Variants in ADORA2B observed in about 807,000 individuals in gnomAD.
ADORA2B encodes adenosine receptor A2b.
ADORA2B carries 18 observed loss-of-function variants against 20.8 expected under a neutral mutation model. The ratio of observed to expected loss-of-function variants is 0.87; its 90% CI spans 0.60 to 1.29. The LOEUF is 1.29. Ranked by LOEUF, ADORA2B falls within the 50% of genes most tolerant of loss-of-function variation. The probability of loss-of-function intolerance (pLI) is 0.00; values close to 1 mark genes in which losing one functional copy is unlikely to be tolerated. For synonymous variants in ADORA2B, 179 were observed against 178.3 expected (o/e 1.00, Z -0.03); for missense variants, 441 against 422.7 (o/e 1.04, Z -0.38).
the ADORA2B span, among the ~76,000 whole-genome samples, chr17:15,881,168 C>T: frequency 2.6e-4 from 40 of 152,298 alleles, no homozygotes; most frequent in Middle Eastern, 3.4e-3. Flanking sequence ...GTGGCACAAT[C>T]TTGGCTCACT....
chr17:15,886,948 AG>A, the ADORA2B span, among the ~76,000 whole-genome samples: 3 of 130,864 alleles, frequency 2.3e-5, 1 homozygote, highest in Admixed American at 1.5e-4. Flanking sequence ...GGACCCAGCC[AG>A]GGGGCAGGAG....
chr17:15,960,705 A>G (rs1009464646), intron 1 of ADORA2B, among the ~76,000 whole-genome samples: 10 of 151,542 alleles, frequency 6.6e-5, no homozygotes, highest in South Asian at 4.1e-4. Context: ...CCCCGTCTCT[A>G]CTAAAAACAC....
intron 1 of ADORA2B, among the ~76,000 whole-genome samples, chr17:15,964,809 C>G (rs571475206): frequency 6.6e-6 from 1 of 151,456 alleles, no homozygotes; most frequent in Non-Finnish European, 1.5e-5. Flanking sequence ...CGCCTGTAAC[C>G]CCAGCACTTT....
the ADORA2B span, among the ~76,000 whole-genome samples, chr17:15,871,561 G>A: frequency 1.3e-5 from 2 of 152,182 alleles, no homozygotes; most frequent in African/African-American, 4.8e-5. Flanking sequence ...AGGGGCTCAC[G>A]GTTCTGAAAC....
the ADORA2B span, among the ~76,000 whole-genome samples, chr17:15,935,193 T>C: frequency 6.6e-6 from 1 of 152,232 alleles, no homozygotes; most frequent in African/African-American, 2.4e-5. Context: ...TATTGAGTTA[T>C]TGTCTAGTGT....
chr17:15,907,906 G>T, the ADORA2B span, among the ~76,000 whole-genome samples: 1 of 152,212 alleles, frequency 6.6e-6, no homozygotes, highest in Admixed American at 6.5e-5. Flanking sequence ...CCTGGTCAGT[G>T]CACATCCACT....
At chr17:15,924,986 T>C in the ADORA2B span, among the ~76,000 whole-genome samples, 5 of 152,014 alleles carry the variant, frequency 3.3e-5, no homozygotes, top group African/African-American at 1.2e-4. Flanking sequence ...GCAATCCTCC[T>C]GCCTCAGCCT....
At chr17:15,883,081 C>A in the ADORA2B span, among the ~76,000 whole-genome samples, 1 of 152,186 alleles carries the variant, frequency 6.6e-6, no homozygotes. Context: ...GAAGTAATTT[C>A]ACCACAAGAC....
chr17:15,919,363 A>G, the ADORA2B span, among the ~76,000 whole-genome samples: 1 of 152,030 alleles, frequency 6.6e-6, no homozygotes, highest in South Asian at 2.1e-4. Flanking sequence ...GCCAGCTTCT[A>G]CTCACCTTTC....
Position 15,949,852 on chromosome 17 carries a change from C to CA in ADORA2B, c.335+4277dup, listed in dbSNP as rs1392561169. ...GGGTGACAATAGCGAAACTCTGTCT[C>CA]AAAAAAAATAAAAAATAAAAAAGCT... On this transcript the variant is annotated intron_variant, in intron 1 of 1. Coordinates refer to ENST00000304222, the MANE Select transcript of ADORA2B (RefSeq NM_000676.4). Among the ~76,000 whole-genome samples the CA allele has an allele frequency of 4.6e-5, 7 of 151,468 alleles. No individual in the cohort carries two copies. The East Asian group carries it at 7.8e-4, about 17-fold the overall frequency.
At chr17:15,910,551 G>A in the ADORA2B span, among the ~76,000 whole-genome samples, 1 of 152,104 alleles carries the variant, frequency 6.6e-6, no homozygotes, top group African/African-American at 2.4e-5. Context: ...CACCCGCCTC[G>A]GCCTCCCAAA....
the ADORA2B span, among the ~76,000 whole-genome samples, chr17:15,906,952 C>T: frequency 6.6e-6 from 1 of 152,132 alleles, no homozygotes; most frequent in Admixed American, 6.5e-5. Flanking sequence ...ACTTCTGAGT[C>T]CTCTCTGAGT....
chr17:15,884,217 G>A, the ADORA2B span, among the ~76,000 whole-genome samples: 1 of 152,150 alleles, frequency 6.6e-6, no homozygotes, highest in East Asian at 1.9e-4. Flanking sequence ...GCATAAAAGA[G>A]GGGAACTATG....
chr17:15,969,971 A>G lies in ADORA2B; in HGVS notation c.336-4708A>G, dbSNP rs561333064. On this transcript the variant is annotated intron_variant, in intron 1 of 1. Coordinates refer to ENST00000304222, the MANE Select transcript of ADORA2B (RefSeq NM_000676.4). ...GCACATGTTGTTCTCTCGGCCTGGT[A>G]TGTTCTACTTTTCAAATTTCTCACT... Among the ~76,000 whole-genome samples, 24 of 152,268 alleles carry G rather than the reference A, an allele frequency of 1.6e-4. No individual in the cohort carries two copies. In the East Asian group the frequency reaches 4.6e-3, roughly 29 times the overall value.
At chr17:15,852,984 C>CTA in the ADORA2B span, among the ~76,000 whole-genome samples, 2 of 151,086 alleles carry the variant, frequency 1.3e-5, no homozygotes, top group Admixed American at 6.6e-5. Context: ...ATTTTGAAAA[C>CTA]TAAACAGATG....
the ADORA2B span, among the ~76,000 whole-genome samples, chr17:15,872,472 A>G: frequency 6.6e-6 from 1 of 152,142 alleles, no homozygotes; most frequent in East Asian, 1.9e-4. Context: ...TGGGAATTTC[A>G]TTCAGCAGAT....
the ADORA2B span, among the ~76,000 whole-genome samples, chr17:15,877,205 T>A: frequency 6.6e-6 from 1 of 152,334 alleles, no homozygotes; most frequent in African/African-American, 2.4e-5. Flanking sequence ...AGATGTAATG[T>A]CACATACGAA....
the ADORA2B span, among the ~76,000 whole-genome samples, chr17:15,909,958 G>A: frequency 6.6e-6 from 1 of 152,168 alleles, no homozygotes; most frequent in African/African-American, 2.4e-5. Context: ...GATCTGGCCC[G>A]GGTGCCCATC....
At chr17:15,907,770 A>G in the ADORA2B span, among the ~76,000 whole-genome samples, 2 of 152,356 alleles carry the variant, frequency 1.3e-5, no homozygotes, top group East Asian at 1.9e-4. Flanking sequence ...TCCCACTCTT[A>G]GTAATTTATC....
Sources: allele counts gnomAD v4.1 joint callset (sites outside exome capture counted in the v4.1 genomes callset), GRCh38; gene constraint gnomAD v4.1.1; transcripts MANE v1.5; gene names NCBI Gene and HGNC (gene_info 2026-07-23, HGNC 2026-07-21).